The following CCDC85A variants were observed in gnomAD, a reference collection of about 807,000 sequenced individuals.
The protein encoded by CCDC85A is coiled-coil domain-containing protein 85A.
CCDC85A carries 38 observed loss-of-function variants against 50.2 expected under a neutral mutation model. The ratio of observed to expected loss-of-function variants is 0.76; its 90% confidence interval spans 0.58 to 0.99. The LOEUF (loss-of-function observed/expected upper bound fraction) is 0.99, where lower values mean the gene tolerates loss of function less well. Ranked by LOEUF, CCDC85A falls within the 50% of genes least tolerant of loss-of-function variation. CCDC85A has a pLI of 0.00. For synonymous variants in CCDC85A, 366 were observed against 301.4 expected (o/e 1.21, Z -2.22); for missense variants, 820 against 742.0 (o/e 1.11, Z -1.22).
At chr2:56,330,767 G>A (rs1011896640) in intron 2 of CCDC85A, among the ~76,000 whole-genome samples, 3 of 152,250 alleles carry the variant, frequency 2.0e-5, no homozygotes, top group Middle Eastern at 3.4e-3. Flanking sequence ...CTTATGTACT[G>A]TTCGTGGGAA....
chr2:56,284,514 A>G (rs1671342557), intron 2 of CCDC85A, among the ~76,000 whole-genome samples: 1 of 152,190 alleles, frequency 6.6e-6, no homozygotes, highest in Non-Finnish European at 1.5e-5. Flanking sequence ...CTGGGATTAC[A>G]GGTGTGCACC....
In CCDC85A at chr2:56,184,517, C is replaced by T. The variant is rs1222289980; in HGVS notation, c.-108C>T. 2.1e-5 allele frequency: 25 copies of T among 1,207,986 alleles called. No individual in the cohort carries two copies. The highest frequency in any genetic ancestry group is 2.5e-5 in the Non-Finnish European group (24 of 955,000). The allele number at this position is 1,207,986 out of a possible 1,614,324, so 74.8% of individuals were successfully genotyped here. A position where few individuals can be genotyped will look rare whatever the true frequency, so the allele number is the denominator to read the frequency against. On this transcript the variant is annotated 5_prime_UTR_variant, in exon 1 of 6. Coordinates refer to ENST00000407595, the MANE Select transcript of CCDC85A (RefSeq NM_001080433.2). The stretch of plus-strand genomic sequence containing the variant: ...AGCGGCCCCTGGGCGGTGCCGCTGA[C>T]TCGCCGGAGCGCACAGGGGTGTGGG...
At chr2:56,291,318 A>T (rs1197572849) in intron 2 of CCDC85A, among the ~76,000 whole-genome samples, 2 of 152,208 alleles carry the variant, frequency 1.3e-5, no homozygotes, top group Non-Finnish European at 1.5e-5. Context: ...CTCCATTAGG[A>T]GACAGGCACT....
chr2:56,284,123 T>C (rs1240593603), intron 2 of CCDC85A, among the ~76,000 whole-genome samples: 2 of 152,220 alleles, frequency 1.3e-5, no homozygotes, highest in Non-Finnish European at 2.9e-5. Flanking sequence ...ATAAATAGGT[T>C]ATTTACAAAT....
rs192191360 is a variant in CCDC85A at position 56,192,058 on chromosome 2, C to G, written c.277-419C>G. On this transcript the variant is annotated intron_variant, in intron 1 of 5. Transcript: ENST00000407595. The surrounding 1 kb of genome is among the most constrained non-coding windows in gnomAD (Gnocchi z 4.7). ...TAACTACTGACCAGATGAACTTGGA[C>G]AAGTGAAGCTTTGTGAGGTCCGATT... Among the ~76,000 whole-genome samples, 11 of 152,218 alleles carry G rather than the reference C, an allele frequency of 7.2e-5. No homozygotes were observed. Among genetic ancestry groups the G allele is most frequent in the African/African-American group, 2.6e-4 (11 of 41,514 alleles).
intron 2 of CCDC85A, among the ~76,000 whole-genome samples, chr2:56,300,991 T>A (rs1672177090): frequency 6.6e-6 from 1 of 152,216 alleles, no homozygotes; most frequent in Non-Finnish European, 1.5e-5. Context: ...AAACCCTGGT[T>A]CTATTATATA....
At chr2:56,185,129 G>GA (rs746654537) in intron 1 of CCDC85A, among the ~76,000 whole-genome samples, 944 of 57,948 alleles carry the variant, frequency 0.016, 8 homozygotes, top group Non-Finnish European at 0.027. Context: ...CTGGCTGTTC[G>GA]GGGAGGCGCT....
At position 56,338,345 on chromosome 2, in the gene CCDC85A, A is replaced by G. The variant is rs141320355; in HGVS notation, c.1241-4534A>G. Among the ~76,000 whole-genome samples, 443 of 152,272 alleles carry G rather than the reference A, an allele frequency of 2.9e-3. 4 individuals carry two copies. The highest frequency in any genetic ancestry group is 0.01 in the African/African-American group (431 of 41,548). On this transcript the variant is annotated intron_variant, in intron 2 of 5. Coordinates refer to ENST00000407595, the MANE Select transcript of CCDC85A (RefSeq NM_001080433.2). ...CTTCCCTTAGGTACAGCTATCCATC[A>G]TGTTCCCTGAGTGTACCGGGAGATC...
intron 2 of CCDC85A, among the ~76,000 whole-genome samples, chr2:56,199,833 A>G (rs1235461585): frequency 2.0e-5 from 3 of 152,186 alleles, no homozygotes; most frequent in South Asian, 2.1e-4. Flanking sequence ...TCCATATGCC[A>G]TAAGTATTTT....
At chr2:56,357,119 T>G (rs940156022) in intron 3 of CCDC85A, among the ~76,000 whole-genome samples, 3 of 151,658 alleles carry the variant, frequency 2.0e-5, no homozygotes, top group African/African-American at 7.3e-5. Context: ...TAGCCACTTG[T>G]GAAGAAGGTG....
At chr2:56,337,212 T>G (rs1192127871) in intron 2 of CCDC85A, among the ~76,000 whole-genome samples, 1 of 152,212 alleles carries the variant, frequency 6.6e-6, no homozygotes, top group Admixed American at 6.5e-5. Context: ...TGCTGTGAAC[T>G]TTTACACATA....
At chr2:56,287,714 A>C (rs1671509430) in intron 2 of CCDC85A, among the ~76,000 whole-genome samples, 1 of 152,144 alleles carries the variant, frequency 6.6e-6, no homozygotes, top group Non-Finnish European at 1.5e-5. Flanking sequence ...TCTTGGCTCT[A>C]AGCCAATTCT....
intron 2 of CCDC85A, among the ~76,000 whole-genome samples, chr2:56,253,906 T>C (rs151122814): frequency 6.6e-6 from 1 of 152,226 alleles, no homozygotes; most frequent in Non-Finnish European, 1.5e-5. Flanking sequence ...ACAGGTGTGA[T>C]TGGTTTTGTG....
intron 2 of CCDC85A, among the ~76,000 whole-genome samples, chr2:56,308,117 T>C (rs1399896848): frequency 6.6e-6 from 1 of 152,204 alleles, no homozygotes; most frequent in Non-Finnish European, 1.5e-5. Context: ...TACCAAATCA[T>C]TTCAGGCAAC....
At chr2:56,345,875 C>A (rs1674607773) in intron 3 of CCDC85A, among the ~76,000 whole-genome samples, 1 of 152,196 alleles carries the variant, frequency 6.6e-6, no homozygotes, top group Admixed American at 6.5e-5. Context: ...GACATCCTAG[C>A]CTAAGTTAAT....
Position 56,201,730 on chromosome 2 carries a change from T to C in CCDC85A, c.1240+8290T>C, listed in dbSNP as rs147794693. Among the ~76,000 whole-genome samples the C allele has an allele frequency of 9.6e-3, 1,467 of 152,298 alleles. 15 individuals are homozygous for C. Among genetic ancestry groups the C allele is most frequent in the Middle Eastern group, 0.027 (8 of 294 alleles). ...TATATGCATATATTGATGCATATAGTTTTTAATTCAGTTAAATGAGAATAG... is the reference window on the plus strand; with the variant it reads ...TATATGCATATATTGATGCATATAGCTTTTAATTCAGTTAAATGAGAATAG... On this transcript the variant is annotated intron_variant, in intron 2 of 5. Coordinates refer to ENST00000407595, the MANE Select transcript of CCDC85A (RefSeq NM_001080433.2).
rs528912843 is a variant in CCDC85A, at chr2:56,332,845, C to G, written c.1241-10034C>G. On this transcript the variant is annotated intron_variant, in intron 2 of 5. Transcript: ENST00000407595. The stretch of plus-strand genomic sequence containing the variant: ...GTTTAATGTTCCATAGAGTGACTTT[C>G]AAACGTCATTACAGAATTGGAATTA... Among the ~76,000 whole-genome samples the G allele has an allele frequency of 2.0e-5, 3 of 152,274 alleles. No homozygotes were observed. The South Asian group carries it at 6.2e-4, about 32-fold the overall frequency.
At chr2:56,345,688 A>C (rs1674600733) in intron 3 of CCDC85A, among the ~76,000 whole-genome samples, 1 of 152,224 alleles carries the variant, frequency 6.6e-6, no homozygotes, top group Non-Finnish European at 1.5e-5. Context: ...CATCATGTAG[A>C]GAATTCTCAT....
intron 2 of CCDC85A, among the ~76,000 whole-genome samples, chr2:56,200,741 A>G (rs528537510): frequency 3.3e-5 from 5 of 152,288 alleles, no homozygotes; most frequent in East Asian, 3.9e-4. Context: ...ATAAAAGACA[A>G]TAACTGGGTT....
Sources: allele counts gnomAD v4.1 joint callset (sites outside exome capture counted in the v4.1 genomes callset), GRCh38; gene constraint gnomAD v4.1.1; non-coding constraint Gnocchi (gnomAD v3.1); transcripts MANE v1.5; gene names NCBI Gene and HGNC (gene_info 2026-07-23, HGNC 2026-07-21).